Variants in IL1RAPL2 observed in about 807,000 individuals in gnomAD.
IL1RAPL2 encodes X-linked interleukin-1 receptor accessory protein-like 2.
IL1RAPL2 carries 3 observed loss-of-function variants against 44.1 expected under a neutral mutation model. The ratio of observed to expected loss-of-function variants is 0.07; its 90% confidence interval spans 0.03 to 0.18. IL1RAPL2 has a LOEUF of 0.18. Ranked by LOEUF, IL1RAPL2 falls within the 10% of genes least tolerant of loss-of-function variation. The pLI is 1.00. For missense variants in IL1RAPL2, 391 were observed against 496.4 expected, an observed-to-expected ratio of 0.79 and a Z score of 2.02; for synonymous variants, 181 against 178.8, an observed-to-expected ratio of 1.01 and a Z score of -0.10.
At chrX:104,678,655 G>T (rs1277492090) in intron 2 of IL1RAPL2, among the ~76,000 whole-genome samples, 1 of 111,833 alleles carries the variant, frequency 8.9e-6, no homozygotes. Context: ...CACATCCTCT[G>T]TGCTTCACCT....
chrX:104,992,587 C>T (rs1370171097), intron 2 of IL1RAPL2, among the ~76,000 whole-genome samples: 1 of 111,168 alleles, frequency 9.0e-6, no homozygotes, highest in African/African-American at 3.3e-5. Flanking sequence ...TCAAGGAAGA[C>T]ATCGGCCTCC....
At chrX:105,572,511 A>C (rs2037021733) in intron 6 of IL1RAPL2, among the ~76,000 whole-genome samples, 1 of 112,048 alleles carries the variant, frequency 8.9e-6, no homozygotes, top group African/African-American at 3.2e-5. Context: ...AAGTAAACTC[A>C]ACTTTGAAAA....
chrX:105,163,108 G>A (rs2033341274), intron 2 of IL1RAPL2, among the ~76,000 whole-genome samples: 2 of 111,505 alleles, frequency 1.8e-5, no homozygotes, highest in Admixed American at 9.6e-5. Context: ...TAGTTTTACT[G>A]GAACACAGTC....
chrX:104,574,327 C>T lies in IL1RAPL2; in HGVS notation c.-20+7276C>T, dbSNP rs190754505. Among the ~76,000 whole-genome samples the T allele has an allele frequency of 5.9e-4, 65 of 110,868 alleles. No individual in the cohort carries two copies. The East Asian group carries it at 9.0e-3, about 15-fold the overall frequency. ...ATGGGGAAAATTCATGAATAGAATA[C>T]TCACCAAAAAAGGAATACCAAACTC... On this transcript the variant is annotated intron_variant, in intron 1 of 10. Coordinates refer to ENST00000372582, the MANE Select transcript of IL1RAPL2 (RefSeq NM_017416.2).
At chrX:105,442,418 C>A (rs962799957) in intron 5 of IL1RAPL2, among the ~76,000 whole-genome samples, 1 of 111,386 alleles carries the variant, frequency 9.0e-6, no homozygotes, top group Admixed American at 9.6e-5. Flanking sequence ...GTCTTCTGAT[C>A]CTAGCTCTAG....
intron 6 of IL1RAPL2, among the ~76,000 whole-genome samples, chrX:105,706,118 A>G (rs1421919773): frequency 9.0e-6 from 1 of 110,856 alleles, no homozygotes; most frequent in Non-Finnish European, 1.9e-5. Flanking sequence ...GGGATGACTG[A>G]GGAGACAGGA....
Position 105,245,412 on chromosome X carries a change from G to C in IL1RAPL2, c.543+11408G>C, listed in dbSNP as rs1034683363. Among the ~76,000 whole-genome samples the C allele has an allele frequency of 2.7e-5, 3 of 111,480 alleles. No individual in the cohort carries two copies. The Admixed American group carries it at 2.9e-4, about 11-fold the overall frequency. On this transcript the variant is annotated intron_variant, in intron 4 of 10. Coordinates refer to ENST00000372582, the MANE Select transcript of IL1RAPL2 (RefSeq NM_017416.2). The stretch of plus-strand genomic sequence containing the variant: ...GTGGTACTGGAGGCATGTTCATAAA[G>C]ATGCCTGAGTAAGCCAATCCAGCCT...
At chrX:104,573,329 A>T (rs1256265919) in intron 1 of IL1RAPL2, among the ~76,000 whole-genome samples, 2 of 112,372 alleles carry the variant, frequency 1.8e-5, no homozygotes, top group African/African-American at 6.5e-5. Context: ...TCGGTTCCTC[A>T]GTCACCTAGC....
chrX:104,630,611 T>C (rs758509238), intron 1 of IL1RAPL2, among the ~76,000 whole-genome samples: 2 of 111,224 alleles, frequency 1.8e-5, no homozygotes, highest in Admixed American at 1.9e-4. Context: ...TTGTTCTTTT[T>C]ATTTAAGATT....
chrX:104,995,091 T>A (rs1448741474), intron 2 of IL1RAPL2, among the ~76,000 whole-genome samples: 1 of 111,362 alleles, frequency 9.0e-6, no homozygotes, highest in Non-Finnish European at 1.9e-5. Context: ...ATAATCATCC[T>A]TACCCCCACC....
intron 2 of IL1RAPL2, among the ~76,000 whole-genome samples, chrX:104,954,486 T>G (rs1391857995): frequency 8.9e-6 from 1 of 112,593 alleles, no homozygotes; most frequent in East Asian, 2.8e-4. Flanking sequence ...ATTACACTAA[T>G]AGTTAGAGAT....
chrX:105,570,698 C>G (rs1251147237), intron 6 of IL1RAPL2, among the ~76,000 whole-genome samples: 1 of 112,236 alleles, frequency 8.9e-6, no homozygotes, highest in African/African-American at 3.2e-5. Flanking sequence ...GAAGCAATGT[C>G]ATGAGACCAA....
intron 6 of IL1RAPL2, among the ~76,000 whole-genome samples, chrX:105,687,194 G>C (rs1047834567): frequency 1.8e-5 from 2 of 109,998 alleles, no homozygotes; most frequent in Non-Finnish European, 3.8e-5. Context: ...AAATTCAAAA[G>C]CTAGCAGAAG....
chrX:105,620,846 T>A (rs1602492271), intron 6 of IL1RAPL2, among the ~76,000 whole-genome samples: 2 of 111,780 alleles, frequency 1.8e-5, no homozygotes, highest in East Asian at 5.6e-4. Context: ...AAAGCGGTCA[T>A]CTTTAAATAA....
chrX:105,389,093 T>C (rs1312860378), intron 5 of IL1RAPL2, among the ~76,000 whole-genome samples: 1 of 112,138 alleles, frequency 8.9e-6, no homozygotes, highest in Admixed American at 9.5e-5. Flanking sequence ...TCCCACTTCA[T>C]TCCTAGTATG....
intron 2 of IL1RAPL2, among the ~76,000 whole-genome samples, chrX:104,911,848 C>G (rs1305104613): frequency 9.0e-6 from 1 of 111,701 alleles, no homozygotes. Context: ...GTTGCCACCT[C>G]AGAGAATTTA....
At chrX:105,053,048 TG>T (rs2031948457) in intron 2 of IL1RAPL2, among the ~76,000 whole-genome samples, 1 of 110,801 alleles carries the variant, frequency 9.0e-6, no homozygotes, top group African/African-American at 3.3e-5. Flanking sequence ...AGAAATCACC[TG>T]CCTTCTGTGT....
intron 7 of IL1RAPL2, among the ~76,000 whole-genome samples, chrX:105,719,783 CAG>C (rs1292894199): frequency 4.6e-5 from 5 of 107,951 alleles, no homozygotes; most frequent in African/African-American, 1.7e-4. Context: ...TTGCCTGACA[CAG>C]AACAGATTTT....
chrX:104,804,467 GC>G (rs1363619476), intron 2 of IL1RAPL2: 1 of 111,514 alleles, frequency 9.0e-6, no homozygotes, highest in East Asian at 2.8e-4. Context: ...CTCCTGGTCT[GC>G]CCAAATAAGC....
Sources: gnomAD v4.1 joint callset for allele counts (sites outside exome capture counted in the v4.1 genomes callset) on GRCh38, gnomAD v4.1.1 for gene constraint, MANE v1.5 for transcripts, NCBI Gene and HGNC (gene_info 2026-07-23, HGNC 2026-07-21) for gene names.